The following DENND2B variants were observed in gnomAD, a reference collection of about 807,000 sequenced individuals.
The protein encoded by DENND2B is DENN domain-containing protein 2B.
A neutral mutation model predicts 116.0 loss-of-function variants in DENND2B; 32 were observed. The ratio of observed to expected loss-of-function variants is 0.28; its 90% CI spans 0.21 to 0.37. The LOEUF is 0.37. DENND2B is among the 10% of genes least tolerant of loss of function. The pLI is 1.00. For missense variants in DENND2B, 1,276 were observed against 1,477.7 expected (o/e 0.86, Z 2.24); for synonymous variants, 588 against 583.9 (o/e 1.01, Z -0.10).
chr11:8,721,410 ACG>A (rs2046152101), intron 4 of DENND2B, among the ~76,000 whole-genome samples: 1 of 152,208 alleles, frequency 6.6e-6, no homozygotes, highest in Non-Finnish European at 1.5e-5. Context: ...GTGTGTGTAT[ACG>A]CACAGGCACT....
intron 1 of DENND2B, among the ~76,000 whole-genome samples, chr11:8,904,906 CTG>C (rs1407971759): frequency 1.3e-5 from 2 of 152,026 alleles, no homozygotes; most frequent in East Asian, 3.9e-4. Context: ...ATAAAGAAAA[CTG>C]AAATAAATGG....
At chr11:8,895,316 C>T (rs1456218306) in intron 1 of DENND2B, among the ~76,000 whole-genome samples, 1 of 152,122 alleles carries the variant, frequency 6.6e-6, no homozygotes, top group African/African-American at 2.4e-5. Flanking sequence ...TTAATGGGTG[C>T]AGCACACCAA....
In DENND2B at chr11:8,785,059, T is replaced by C. The variant is rs574045853; in HGVS notation, c.-26+25458A>G. 4.6e-5 allele frequency: 7 copies of C among 152,252 alleles called. No individual in the cohort carries two copies. The East Asian group carries it at 7.7e-4, about 17-fold the overall frequency. 9.4% of individuals were successfully genotyped at this position (152,252 alleles called of 1,614,324 possible). ...TACCCCCTCTAACACAGCCGCCACA[T>C]GGTAGAGTAGTTGCTAAGAAGCCAC... On this transcript the variant is annotated intron_variant, in intron 1 of 19. Transcript: ENST00000313726.
chr11:8,749,720 C>G (rs1356190655), intron 2 of DENND2B, among the ~76,000 whole-genome samples: 2 of 152,236 alleles, frequency 1.3e-5, no homozygotes, highest in Admixed American at 1.3e-4. Flanking sequence ...CCTATCCAAA[C>G]CAAAGCTAAG....
chr11:8,695,847 C>T, intron 18 of DENND2B: 1 of 452,358 alleles, frequency 2.2e-6, no homozygotes, highest in Non-Finnish European at 4.0e-6. Context: ...CTCTAGCTTC[C>T]TTCAGACAAC....
At chr11:8,750,977 G>T (rs935510206) in intron 1 of DENND2B, among the ~76,000 whole-genome samples, 2 of 152,122 alleles carry the variant, frequency 1.3e-5, no homozygotes, top group Non-Finnish European at 2.9e-5. Flanking sequence ...CTAGCTCAAG[G>T]TTTGTGAACA....
intron 2 of DENND2B, among the ~76,000 whole-genome samples, chr11:8,738,401 G>A (rs990106537): frequency 2.0e-5 from 3 of 152,136 alleles, no homozygotes; most frequent in African/African-American, 4.8e-5. Flanking sequence ...ACACTGGAAC[G>A]TCCCAGCGCT....
At chr11:8,763,817 C>A (rs531667525) in intron 1 of DENND2B, among the ~76,000 whole-genome samples, 1 of 151,954 alleles carries the variant, frequency 6.6e-6, no homozygotes, top group South Asian at 2.1e-4. Flanking sequence ...GACTTGGATA[C>A]ATATATACAT....
intron 1 of DENND2B, among the ~76,000 whole-genome samples, chr11:8,758,799 C>T (rs1016267502): frequency 2.0e-5 from 3 of 152,166 alleles, no homozygotes; most frequent in Non-Finnish European, 2.9e-5. Flanking sequence ...CTGGTCCACT[C>T]GGCTCTAACC....
intron 1 of DENND2B, among the ~76,000 whole-genome samples, chr11:8,906,091 C>T (rs996758417): frequency 6.6e-6 from 1 of 151,664 alleles, no homozygotes; most frequent in African/African-American, 2.4e-5. Context: ...TCCAAAACTG[C>T]ACTTTGGTGA....
At chr11:8,854,280 C>A (rs888745717) in intron 3 of DENND2B, among the ~76,000 whole-genome samples, 3 of 152,072 alleles carry the variant, frequency 2.0e-5, no homozygotes, top group Non-Finnish European at 4.4e-5. Context: ...CAGCTCACTG[C>A]AACCTCCACC....
In DENND2B at chr11:8,707,026, C is replaced by A; in HGVS notation, c.2571+59G>T. ...CCCCAAAGACTACGACCTTGGCCAG[C>A]ATGGTCCTCCTGCCACCCCAGCCCG... On this transcript the variant is annotated intron_variant, in intron 13 of 19. Transcript: ENST00000313726. This position sits in a 1 kb window ranked among gnomAD's most constrained non-coding sequence, Gnocchi z 4.8. 6.4e-7 allele frequency: 1 copy of A among 1,571,324 alleles called. No individual in the cohort carries two copies. The highest frequency in any genetic ancestry group is 8.6e-7 in the Non-Finnish European group (1 of 1,156,670).
chr11:8,698,903 C>G (rs770382512), intron 16 of DENND2B, 30 bp downstream of exon 16: 5 of 1,613,754 alleles, frequency 3.1e-6, no homozygotes, highest in Non-Finnish European at 4.2e-6. Context: ...TGCTCAGGAG[C>G]CCAACTCTAG....
upstream of DENND2B, among the ~76,000 whole-genome samples, chr11:8,814,381 C>T (rs905704966): frequency 2.0e-5 from 3 of 151,560 alleles, no homozygotes; most frequent in African/African-American, 7.3e-5. Context: ...CTACAAGGCC[C>T]AGCATGATTC....
intron 2 of DENND2B, among the ~76,000 whole-genome samples, chr11:8,736,746 A>G (rs924083340): frequency 6.6e-6 from 1 of 152,172 alleles, no homozygotes; most frequent in Non-Finnish European, 1.5e-5. Context: ...GTGTGGCCAG[A>G]GTGGAGGGAA....
chr11:8,706,715 C>T (rs1450110836), intron 13 of DENND2B, among the ~76,000 whole-genome samples: 4 of 152,160 alleles, frequency 2.6e-5, no homozygotes, highest in Non-Finnish European at 2.9e-5. Flanking sequence ...CAGTATCTCC[C>T]ACTAGACTAC....
chr11:8,714,876 C>T lies in DENND2B; in HGVS notation c.1846-170G>A, dbSNP rs549396310. The T allele has an allele frequency of 2.2e-5, 13 of 597,122 alleles. No homozygotes were observed. In the African/African-American group the frequency reaches 2.2e-4, roughly 10 times the overall value. 37.0% of individuals were successfully genotyped at this position (597,122 alleles called of 1,614,324 possible). On this transcript the variant is annotated intron_variant, in intron 6 of 19. Coordinates refer to ENST00000313726, the MANE Select transcript of DENND2B (RefSeq NM_213618.2). The stretch of plus-strand genomic sequence containing the variant: ...GAACCGACCTCAAGTGGTGACTCAC[C>T]AGCCATGCATGGTAGCTCTCCATAT...
chr11:8,895,551 A>G (rs1473388993), intron 1 of DENND2B: 1 of 152,192 alleles, frequency 6.6e-6, no homozygotes, highest in East Asian at 1.9e-4. Flanking sequence ...AAAATAATAG[A>G]GACAGAAGAC....
intron 1 of DENND2B, among the ~76,000 whole-genome samples, chr11:8,786,354 G>T (rs1158422398): frequency 1.3e-5 from 2 of 151,898 alleles, no homozygotes; most frequent in African/African-American, 4.8e-5. Context: ...CATACTTCTT[G>T]GTTTAAAAAA....
Sources: gnomAD v4.1 joint callset for allele counts (sites outside exome capture counted in the v4.1 genomes callset) on GRCh38, gnomAD v4.1.1 for gene constraint, Gnocchi (gnomAD v3.1) non-coding constraint, MANE v1.5 for transcripts, NCBI Gene and HGNC (gene_info 2026-07-23, HGNC 2026-07-21) for gene names.